Variants in ZSCAN5A observed in about 807,000 individuals in gnomAD.
The protein encoded by ZSCAN5A is zinc finger and SCAN domain-containing protein 5A.
Under a neutral mutation model 23.7 loss-of-function variants are expected in ZSCAN5A, and 12 were observed. The ratio of observed to expected loss-of-function variants is 0.51; its 90% confidence interval spans 0.32 to 0.82. The LOEUF (loss-of-function observed/expected upper bound fraction) is 0.82. Among genes scored for constraint, ZSCAN5A ranks in the 40% least tolerant of loss-of-function variants. ZSCAN5A has a pLI of 0.03. For synonymous variants in ZSCAN5A, 257 were observed against 239.9 expected, an observed-to-expected ratio of 1.07 and a Z score of -0.66; for missense variants, 597 against 617.9, an observed-to-expected ratio of 0.97 and a Z score of 0.36.
intron 2 of ZSCAN5A, among the ~76,000 whole-genome samples, chr19:56,330,706 T>C (rs142930767): frequency 1.7e-4 from 26 of 152,306 alleles, no homozygotes; most frequent in African/African-American, 5.5e-4. Flanking sequence ...AGTTGTTTAC[T>C]TTTTATGTTG....
In ZSCAN5A at chr19:56,351,879, T is replaced by C. The variant is rs1228578762; in HGVS notation, c.-358+11356A>G. Among the ~76,000 whole-genome samples the C allele has an allele frequency of 6.6e-6, 1 of 152,184 alleles. No individual in the cohort carries two copies. Among genetic ancestry groups the C allele is most frequent in the African/African-American group, 2.4e-5 (1 of 41,454 alleles). ...AGATGGCTGGTGGATCTATCTGGAT[T>C]GAAGGGATTCCTTTTCCCAGCAATA... On this transcript the variant is annotated intron_variant, in intron 2 of 6. Coordinates refer to the ZSCAN5A transcript ENST00000587340. This position sits in a 1 kb window ranked among gnomAD's most constrained non-coding sequence, Gnocchi z 4.8.
intron 2 of ZSCAN5A, chr19:56,322,131 G>T: frequency 1.3e-6 from 1 of 766,076 alleles, no homozygotes; most frequent in Non-Finnish European, 2.4e-6. Context: ...AAAGTCAGTA[G>T]CTGAGCGTCT....
chr19:56,343,167 C>G, intron 2 of ZSCAN5A: 1 of 724,054 alleles, frequency 1.4e-6, no homozygotes, highest in Non-Finnish European at 2.5e-6. Flanking sequence ...TCTCTAATTG[C>G]TTTATTGAAA....
chr19:56,257,895 CG>C (rs61711882), intron 2 of ZSCAN5A, among the ~76,000 whole-genome samples: 5 of 113,252 alleles, frequency 4.4e-5, no homozygotes, highest in Admixed American at 7.8e-5. Context: ...CACCACTGCC[CG>C]ATCTTCTTAG....
chr19:56,236,824 GCC>G (rs2034963619), intron 2 of ZSCAN5A, among the ~76,000 whole-genome samples: 1 of 149,268 alleles, frequency 6.7e-6, no homozygotes. Context: ...GGTGGGCCAA[GCC>G]TCCACTCCAA....
At chr19:56,367,127 A>G (rs1339642922) in intron 1 of ZSCAN5A, 1 of 152,238 alleles carries the variant, frequency 6.6e-6, no homozygotes, top group Non-Finnish European at 1.5e-5. Context: ...TGGGAGGTCA[A>G]TGTGGGAGGA....
At chr19:56,243,757 T>C (rs903081323) in intron 2 of ZSCAN5A, among the ~76,000 whole-genome samples, 5 of 152,128 alleles carry the variant, frequency 3.3e-5, no homozygotes, top group Admixed American at 2.6e-4. Flanking sequence ...AATCAGAACA[T>C]ATAGTCAGGT....
intron 2 of ZSCAN5A, among the ~76,000 whole-genome samples, chr19:56,301,621 G>A (rs1335897414): frequency 6.6e-6 from 1 of 152,134 alleles, no homozygotes; most frequent in Non-Finnish European, 1.5e-5. Flanking sequence ...ATGTAGCCCA[G>A]TAGGGCTCAG....
chr19:56,342,815 T>G, intron 2 of ZSCAN5A: 1 of 792,436 alleles, frequency 1.3e-6, no homozygotes, highest in Non-Finnish European at 2.3e-6. Flanking sequence ...TCATAAGACA[T>G]TTTCCTAAGA....
chr19:56,335,687 C>T (rs1306105034), intron 2 of ZSCAN5A, among the ~76,000 whole-genome samples: 1 of 152,222 alleles, frequency 6.6e-6, no homozygotes, highest in Non-Finnish European at 1.5e-5. Context: ...CCTTGATGGT[C>T]TTTACAATTT....
At chr19:56,230,223 T>G (rs2146476541) in intron 2 of ZSCAN5A, among the ~76,000 whole-genome samples, 1 of 152,234 alleles carries the variant, frequency 6.6e-6, no homozygotes, top group South Asian at 2.1e-4. Flanking sequence ...GTAGCTGGGA[T>G]TTCAGGCACA....
At chr19:56,320,505 G>T in intron 2 of ZSCAN5A, 2 of 398,376 alleles carry the variant, frequency 5.0e-6, no homozygotes, top group Non-Finnish European at 9.2e-6. Context: ...CCAGGTACTC[G>T]GGAGGATGAG....
chr19:56,355,818 G>T (rs1199759740), intron 2 of ZSCAN5A, among the ~76,000 whole-genome samples: 1 of 148,598 alleles, frequency 6.7e-6, no homozygotes, highest in South Asian at 2.1e-4. Context: ...TAGGTATTAA[G>T]CACCTATTAT....
At chr19:56,263,873 G>A (rs1395370857) in intron 2 of ZSCAN5A, among the ~76,000 whole-genome samples, 1 of 151,868 alleles carries the variant, frequency 6.6e-6, no homozygotes. Flanking sequence ...AATATTATAT[G>A]CTATACATAT....
chr19:56,272,950 T>G, intron 2 of ZSCAN5A: 1 of 951,584 alleles, frequency 1.1e-6, no homozygotes, highest in Non-Finnish European at 1.3e-6. Flanking sequence ...TTGTGTCCTC[T>G]ATGTATTTTC....
At chr19:56,350,757 T>C (rs1041695766) in intron 2 of ZSCAN5A, among the ~76,000 whole-genome samples, 1 of 152,226 alleles carries the variant, frequency 6.6e-6, no homozygotes, top group African/African-American at 2.4e-5. Flanking sequence ...ATTTTAATAA[T>C]TGTATCCTAA....
At chr19:56,326,766 T>A (rs1450722863) in intron 2 of ZSCAN5A, among the ~76,000 whole-genome samples, 1 of 152,144 alleles carries the variant, frequency 6.6e-6, no homozygotes, top group African/African-American at 2.4e-5. Flanking sequence ...CTGCTTTGAT[T>A]TCCATCATGG....
At chr19:56,223,533 T>C (rs1040059561) in intron 4 of ZSCAN5A, 98 bp downstream of exon 4, 5 of 1,273,510 alleles carry the variant, frequency 3.9e-6, no homozygotes, top group South Asian at 1.4e-5. Flanking sequence ...GCTCTAATCT[T>C]GTCCTGTGTC....
chr19:56,226,474 A>C (rs562892095), intron 2 of ZSCAN5A, among the ~76,000 whole-genome samples: 1 of 151,780 alleles, frequency 6.6e-6, no homozygotes, highest in Admixed American at 6.6e-5. Flanking sequence ...AAAGGTGCTC[A>C]TTATCACTCA....
Sources: gnomAD v4.1 joint callset for allele counts (sites outside exome capture counted in the v4.1 genomes callset) on GRCh38, gnomAD v4.1.1 for gene constraint, Gnocchi (gnomAD v3.1) non-coding constraint, MANE v1.5 for transcripts, NCBI Gene and HGNC (gene_info 2026-07-23, HGNC 2026-07-21) for gene names.